Variants in TAFA1 observed in about 807,000 individuals in gnomAD.
The protein encoded by TAFA1 is chemokine-like protein TAFA-1.
A neutral mutation model predicts 18.5 loss-of-function variants in TAFA1; 4 were observed. That is an observed-to-expected ratio of 0.22 (90% confidence interval 0.11 to 0.49). The LOEUF (loss-of-function observed/expected upper bound fraction) is 0.49. Among genes scored for constraint, TAFA1 ranks in the 20% least tolerant of loss-of-function variants. The pLI, the probability that TAFA1 is intolerant of heterozygous loss-of-function variation, is 0.98. For synonymous variants in TAFA1, 56 were observed against 55.2 expected (o/e 1.01, Z -0.06); for missense variants, 147 against 169.0 (o/e 0.87, Z 0.72).
At chr3:68,333,293 C>G (rs530315325) in intron 2 of TAFA1, among the ~76,000 whole-genome samples, 1 of 152,278 alleles carries the variant, frequency 6.6e-6, no homozygotes, top group East Asian at 1.9e-4. Context: ...CAAATATACA[C>G]CATGGAATAC....
At chr3:68,024,922 T>C (rs1704782609) in intron 2 of TAFA1, among the ~76,000 whole-genome samples, 1 of 152,106 alleles carries the variant, frequency 6.6e-6, no homozygotes, top group South Asian at 2.1e-4. Context: ...GTGCTTTCAC[T>C]GGACACTTCA....
At chr3:68,216,231 T>G (rs2066655836) in intron 2 of TAFA1, among the ~76,000 whole-genome samples, 2 of 152,062 alleles carry the variant, frequency 1.3e-5, no homozygotes, top group Admixed American at 6.6e-5. Context: ...GATAGTCTAA[T>G]TGTGGACATA....
intron 3 of TAFA1, among the ~76,000 whole-genome samples, chr3:68,475,819 C>A (rs1451714179): frequency 6.6e-6 from 1 of 152,024 alleles, no homozygotes; most frequent in Non-Finnish European, 1.5e-5. Context: ...TCTCCAGCAC[C>A]TGTTGTTTCC....
At chr3:68,088,443 G>A (rs1022347557) in intron 2 of TAFA1, among the ~76,000 whole-genome samples, 4 of 152,144 alleles carry the variant, frequency 2.6e-5, no homozygotes, top group African/African-American at 9.7e-5. Flanking sequence ...TTTTCAATAT[G>A]AAACCAAGTT....
intron 2 of TAFA1, among the ~76,000 whole-genome samples, chr3:68,346,996 G>T (rs570973797): frequency 6.8e-6 from 1 of 147,042 alleles, no homozygotes; most frequent in East Asian, 2.2e-4. Context: ...TTTCTCAGAA[G>T]GTTCTTTTGC....
chr3:68,292,654 G>C (rs1444158599), intron 2 of TAFA1, among the ~76,000 whole-genome samples: 3 of 152,080 alleles, frequency 2.0e-5, no homozygotes, highest in African/African-American at 7.2e-5. Context: ...AACCTTCCAA[G>C]TAGGTGGGAC....
intron 2 of TAFA1, among the ~76,000 whole-genome samples, chr3:68,313,640 A>G (rs939313543): frequency 1.3e-5 from 2 of 152,228 alleles, no homozygotes; most frequent in African/African-American, 4.8e-5. Context: ...GTATCCCCTC[A>G]GATGTATTAT....
chr3:68,277,170 T>A (rs2107247320), intron 2 of TAFA1, among the ~76,000 whole-genome samples: 1 of 152,318 alleles, frequency 6.6e-6, no homozygotes, highest in East Asian at 1.9e-4. Context: ...GAATGTGTAT[T>A]CCACCTTTAT....
intron 3 of TAFA1, among the ~76,000 whole-genome samples, chr3:68,485,544 A>G (rs1390331061): frequency 1.3e-5 from 2 of 152,216 alleles, no homozygotes; most frequent in Non-Finnish European, 2.9e-5. Context: ...TTTACCAGAA[A>G]GCATCTAAGG....
intron 3 of TAFA1, among the ~76,000 whole-genome samples, chr3:68,469,135 C>T (rs1392931001): frequency 6.6e-6 from 1 of 150,756 alleles, no homozygotes; most frequent in Non-Finnish European, 1.5e-5. Flanking sequence ...TTTTAAAATA[C>T]CATTAAAATA....
At chr3:68,266,535 C>G (rs1057478048) in intron 2 of TAFA1, among the ~76,000 whole-genome samples, 1 of 152,012 alleles carries the variant, frequency 6.6e-6, no homozygotes, top group African/African-American at 2.4e-5. Context: ...ATCTTTATAC[C>G]TTTCTGGAAG....
At chr3:68,425,617 T>A (rs1452001510) in intron 3 of TAFA1, among the ~76,000 whole-genome samples, 1 of 151,944 alleles carries the variant, frequency 6.6e-6, no homozygotes, top group African/African-American at 2.4e-5. Flanking sequence ...AATGAGAGGA[T>A]GAATGTACAA....
chr3:68,452,839 A>G (rs1158991620), intron 3 of TAFA1, among the ~76,000 whole-genome samples: 3 of 152,176 alleles, frequency 2.0e-5, no homozygotes, highest in African/African-American at 7.2e-5. Context: ...TTGGGCAATC[A>G]TTATTTAAGG....
chr3:68,269,657 C>T (rs540204518), intron 2 of TAFA1, among the ~76,000 whole-genome samples: 126 of 152,184 alleles, frequency 8.3e-4, no homozygotes, highest in African/African-American at 2.9e-3. Context: ...AGTGATGGCT[C>T]ATGCCTATAA....
chr3:68,021,919 G>C (rs1056408447), intron 2 of TAFA1, among the ~76,000 whole-genome samples: 1 of 152,032 alleles, frequency 6.6e-6, no homozygotes, highest in Non-Finnish European at 1.5e-5. Context: ...CCATATAGAA[G>C]CCTTACCAAG....
intron 3 of TAFA1, among the ~76,000 whole-genome samples, chr3:68,534,881 C>T (rs896154504): frequency 1.3e-5 from 2 of 151,018 alleles, no homozygotes; most frequent in African/African-American, 4.9e-5. Flanking sequence ...TAGAAGGAGG[C>T]AACACCAAAA....
intron 2 of TAFA1, among the ~76,000 whole-genome samples, chr3:68,081,628 G>T (rs2064901617): frequency 6.6e-6 from 1 of 152,182 alleles, no homozygotes; most frequent in Non-Finnish European, 1.5e-5. Flanking sequence ...GCTGCTCGGG[G>T]GTCAGGGGTC....
At chr3:68,415,496 G>T (rs2070813804) in intron 2 of TAFA1, among the ~76,000 whole-genome samples, 1 of 152,146 alleles carries the variant, frequency 6.6e-6, no homozygotes. Flanking sequence ...GAGTGAGGAG[G>T]TTGGAGGGAT....
At chr3:68,482,229 T>C (rs946740733) in intron 3 of TAFA1, among the ~76,000 whole-genome samples, 1 of 152,082 alleles carries the variant, frequency 6.6e-6, no homozygotes, top group Non-Finnish European at 1.5e-5. Context: ...CCAGGATGGT[T>C]TCGATCTGAC....
Sources: allele counts gnomAD v4.1 joint callset (sites outside exome capture counted in the v4.1 genomes callset), GRCh38; gene constraint gnomAD v4.1.1; transcripts MANE v1.5; gene names NCBI Gene and HGNC (gene_info 2026-07-23, HGNC 2026-07-21).